Variants in REV3L observed in about 807,000 individuals in gnomAD.
REV3L encodes DNA polymerase zeta catalytic subunit.
A neutral mutation model predicts 299.4 loss-of-function variants in REV3L; 69 were observed. The observed-to-expected ratio is 0.23, with a 90% CI of 0.19 to 0.28. The LOEUF (loss-of-function observed/expected upper bound fraction) is 0.28, where lower values mean the gene tolerates loss of function less well. Among genes scored for constraint, REV3L ranks in the 10% least tolerant of loss-of-function variants. The pLI, the probability that REV3L is intolerant of heterozygous loss-of-function variation, is 1.00. For missense variants in REV3L, 3,128 were observed against 3,693.8 expected, an observed-to-expected ratio of 0.85 and a Z score of 3.97; for synonymous variants, 1,238 against 1,271.4, an observed-to-expected ratio of 0.97 and a Z score of 0.56.
intron 29 of REV3L, 87 bp from the exon 30 acceptor site, chr6:111,310,186 TAAAAC>T: frequency 7.1e-7 from 1 of 1,406,908 alleles, no homozygotes. Flanking sequence ...TAAACAATAA[TAAAAC>T]AATGAAAAAA....
At chr6:111,410,103 G>T (rs1245173406) in intron 3 of REV3L, among the ~76,000 whole-genome samples, 1 of 152,166 alleles carries the variant, frequency 6.6e-6, no homozygotes, top group Non-Finnish European at 1.5e-5. Flanking sequence ...ACTTTGGGAG[G>T]CTAACGTGGG....
rs780619126 is a variant in REV3L, at chr6:111,440,762, T to A, written c.140-24290A>T. 2.0e-5 allele frequency among the ~76,000 whole-genome samples: 3 copies of A among 152,358 alleles called. No homozygotes were observed. In the East Asian group the frequency reaches 5.8e-4, roughly 29 times the overall value. On this transcript the variant is annotated intron_variant, in intron 1 of 31. Coordinates refer to ENST00000368802, the MANE Select transcript of REV3L (RefSeq NM_001372078.1). The stretch of plus-strand genomic sequence containing the variant: ...TCTGGAGAACTTCTAACATTTCTTA[T>A]AAGGCAAGTAACATTTCTTACTGGC...
At chr6:111,388,643 T>TA (rs1246503131) in intron 7 of REV3L, among the ~76,000 whole-genome samples, 3 of 152,212 alleles carry the variant, frequency 2.0e-5, no homozygotes, top group African/African-American at 7.2e-5. Context: ...AATGTTTCTT[T>TA]AGAGCTGTAC....
At chr6:111,359,131 G>C (rs1778386008) in intron 16 of REV3L, 117 bp from the exon 17 acceptor site, 1 of 778,084 alleles carries the variant, frequency 1.3e-6, no homozygotes, top group African/African-American at 1.8e-5. Context: ...GGACATAAAG[G>C]ACAAAGTCAC....
Position 111,376,756 on chromosome 6 carries a change from G to A in REV3L, c.1599C>T (p.Asp533=). The change falls in exon 13 of 32, where the codon GAC becomes GAT. Residue 533 remains aspartate, a splice_region_variant and synonymous_variant. Transcript: ENST00000368802. The part of the protein sequence containing the change: ...QLDGTADENS[D]NPLNNENSRT... ...TAGAATTTTCATTGTTCAATGGATT[G>A]TCTGAAATGAGGAGGGAAAAACAGT... 9 of 1,554,100 alleles carry A rather than the reference G, an allele frequency of 5.8e-6. No individual in the cohort carries two copies. The highest frequency in any genetic ancestry group is 1.4e-5 in the African/African-American group (1 of 72,828).
At chr6:111,406,122 C>T (rs889744327) in intron 3 of REV3L, among the ~76,000 whole-genome samples, 12 of 152,150 alleles carry the variant, frequency 7.9e-5, no homozygotes, top group African/African-American at 2.9e-4. Flanking sequence ...ATACATTAAA[C>T]ATCTAGAAAA....
chr6:111,425,981 T>G (rs1471723858), intron 1 of REV3L, among the ~76,000 whole-genome samples: 1 of 152,218 alleles, frequency 6.6e-6, no homozygotes, highest in African/African-American at 2.4e-5. Flanking sequence ...CTCTTCCTGG[T>G]ACACAGCTCC....
chr6:111,300,606 A>G (rs1406571308), intron 31 of REV3L, among the ~76,000 whole-genome samples: 1 of 152,246 alleles, frequency 6.6e-6, no homozygotes, highest in East Asian at 1.9e-4. Flanking sequence ...TAAATTGTGA[A>G]GATTTCATGG....
Position 111,444,030 on chromosome 6 carries a change from CTATAAAA to C in REV3L, c.140-27565_140-27559del, listed in dbSNP as rs1413050557. ...CATTATTGTCCATGTTCCATTCCCT[CTATAAAA>C]TATGGGCAAACAACAGAGAATTAAC... is the stretch of plus-strand genomic sequence containing the variant. On this transcript the variant is annotated intron_variant, in intron 1 of 31. Transcript: ENST00000368802. Among the ~76,000 whole-genome samples the C allele has an allele frequency of 5.9e-5, 9 of 152,272 alleles. 1 individual carries two copies. The highest frequency in any genetic ancestry group is 1.9e-4 in the East Asian group (1 of 5,186).
intron 1 of REV3L, among the ~76,000 whole-genome samples, chr6:111,478,662 CTTATAT>C (rs1211554842): frequency 2.0e-5 from 3 of 149,042 alleles, no homozygotes; most frequent in African/African-American, 7.4e-5. Context: ...CTGGTAGTTT[CTTATAT>C]TTAATTTTAT....
chr6:111,417,375 T>A (rs1036536543), intron 1 of REV3L, among the ~76,000 whole-genome samples: 1 of 152,232 alleles, frequency 6.6e-6, no homozygotes, highest in African/African-American at 2.4e-5. Flanking sequence ...AAGTGGTTAC[T>A]GTCCTCAGAG....
intron 3 of REV3L, among the ~76,000 whole-genome samples, chr6:111,409,780 A>T (rs966199025): frequency 7.9e-5 from 12 of 152,140 alleles, no homozygotes; most frequent in South Asian, 2.1e-4. Context: ...ATTTTTTTTT[A>T]AATTTTTTTA....
In REV3L at chr6:111,374,540, G is replaced by T; in HGVS notation, c.3815C>A (p.Ser1272Tyr). 1 of 1,614,072 alleles carries T rather than the reference G, an allele frequency of 6.2e-7. No individual in the cohort carries two copies. The highest frequency in any genetic ancestry group is 1.6e-4 in the Middle Eastern group (1 of 6,062). ...FKQKDMPLMG[S>Y]AVDHPLSASL... is the part of the protein sequence containing the mutation. The stretch of plus-strand genomic sequence containing the variant: ...AGCAGAAAGGGGATGATCTACAGCA[G>T]AGCCCATTAGTGGCATATCTTTCTG... The change falls in exon 13 of 32, where the codon TCT becomes TAT. Residue 1272 changes from serine (S) to tyrosine (Y), a missense_variant. Around this residue, in one of 9 missense-constraint regions of REV3L, gnomAD observed 2,409 missense variants for 2,611.8 expected, o/e 0.92. Coordinates refer to ENST00000368802, the MANE Select transcript of REV3L (RefSeq NM_001372078.1).
Position 111,442,302 on chromosome 6 carries a change from C to G in REV3L, c.140-25830G>C, listed in dbSNP as rs113701323. ...GCTTTATCTTTTTCTCTCTTTAGTT[C>G]TCCCTTATGTTCTCCCTTGATGTCA... On this transcript the variant is annotated intron_variant, in intron 1 of 31. Transcript: ENST00000368802. Among the ~76,000 whole-genome samples the G allele has an allele frequency of 7.5e-3, 1,144 of 152,214 alleles. 13 individuals carry two copies. Among genetic ancestry groups the G allele is most frequent in the African/African-American group, 0.026 (1,072 of 41,538 alleles).
At chr6:111,325,904 T>C (rs1207035139) in intron 25 of REV3L, among the ~76,000 whole-genome samples, 1 of 152,218 alleles carries the variant, frequency 6.6e-6, no homozygotes, top group African/African-American at 2.4e-5. Flanking sequence ...TCATTAATCA[T>C]TTCTACTTTA....
intron 26 of REV3L, among the ~76,000 whole-genome samples, chr6:111,318,288 C>A (rs897528016): frequency 6.6e-6 from 1 of 151,244 alleles, no homozygotes. Context: ...GGGGTTTCAC[C>A]GTGTTAGCCA....
At chr6:111,325,108 G>A (rs1032876018) in intron 25 of REV3L, among the ~76,000 whole-genome samples, 3 of 152,132 alleles carry the variant, frequency 2.0e-5, no homozygotes, top group Non-Finnish European at 2.9e-5. Flanking sequence ...TGATCCACCC[G>A]CCTTGGCCTC....
At chr6:111,352,364 G>A (rs187120790) in intron 18 of REV3L, among the ~76,000 whole-genome samples, 12 of 152,254 alleles carry the variant, frequency 7.9e-5, no homozygotes, top group African/African-American at 2.9e-4. Context: ...TGGGAAAAGA[G>A]GCTGATGGAA....
At chr6:111,359,155 T>TC (rs1348602833) in intron 16 of REV3L, 141 bp from the exon 17 acceptor site, 1 of 544,680 alleles carries the variant, frequency 1.8e-6, no homozygotes, top group Non-Finnish European at 3.1e-6. Context: ...TCAGCAGCAC[T>TC]CCATATATTA....
Sources: gnomAD v4.1 joint callset for allele counts (sites outside exome capture counted in the v4.1 genomes callset) on GRCh38, gnomAD v4.1.1 for gene constraint, gnomAD v4.1.1 regional missense constraint, MANE v1.5 for transcripts, NCBI Gene and HGNC (gene_info 2026-07-23, HGNC 2026-07-21) for gene names.